The following NMT2 variants were observed in gnomAD, a reference collection of about 807,000 sequenced individuals.
The protein encoded by NMT2 is glycylpeptide N-tetradecanoyltransferase 2.
In NMT2, 35 loss-of-function variants were observed where a neutral mutation model predicts 65.4. The observed-to-expected ratio is 0.54, with a 90% CI of 0.41 to 0.71. NMT2 has a LOEUF of 0.71. Among genes scored for constraint, NMT2 ranks in the 30% least tolerant of loss-of-function variants. NMT2 has a pLI of 0.00. For synonymous variants in NMT2, 226 were observed against 231.8 expected (o/e 0.98, Z 0.23); for missense variants, 489 against 611.3 (o/e 0.80, Z 2.11).
chr10:15,151,605 A>T (rs1398210610), intron 1 of NMT2, among the ~76,000 whole-genome samples: 1 of 152,268 alleles, frequency 6.6e-6, no homozygotes, highest in Admixed American at 6.5e-5. Context: ...AGATCATTAT[A>T]TACAATTGAA....
At chr10:15,160,550 A>T (rs1833152287) in intron 1 of NMT2, among the ~76,000 whole-genome samples, 4 of 151,534 alleles carry the variant, frequency 2.6e-5, no homozygotes, top group Admixed American at 2.6e-4. Context: ...TGAGGTGGGG[A>T]GATTCCTTGA....
intron 1 of NMT2, among the ~76,000 whole-genome samples, chr10:15,160,959 G>A (rs1026698860): frequency 6.6e-6 from 1 of 151,510 alleles, no homozygotes; most frequent in African/African-American, 2.4e-5. Flanking sequence ...GCCAGGCACA[G>A]TGGCTCACAC....
intron 2 of NMT2, chr10:15,141,104 T>G: frequency 7.5e-7 from 1 of 1,333,340 alleles, no homozygotes; most frequent in Non-Finnish European, 1.0e-6. Context: ...AATCAAATAT[T>G]AAAGTGTAAT....
At chr10:15,141,209 T>C in intron 2 of NMT2, 1 of 776,354 alleles carries the variant, frequency 1.3e-6, no homozygotes, top group Non-Finnish European at 2.1e-6. Flanking sequence ...ACAGCAGGTA[T>C]CCACACACAC....
chr10:15,111,261 C>T (rs1030873447), intron 10 of NMT2, among the ~76,000 whole-genome samples: 17 of 151,484 alleles, frequency 1.1e-4, no homozygotes, highest in African/African-American at 2.9e-4. Context: ...CTGTAATCCC[C>T]GCACTTTGGG....
At chr10:15,141,318 C>A in intron 2 of NMT2, 104 bp downstream of exon 2, 1 of 1,416,326 alleles carries the variant, frequency 7.1e-7, no homozygotes, top group Non-Finnish European at 9.7e-7. Context: ...AACACACAGT[C>A]ACAACAAAGT....
At position 15,119,386 on chromosome 10, in the gene NMT2, C is replaced by T; in HGVS notation, c.1127G>A (p.Trp376Ter). Residue 376 changes from tryptophan to a stop codon, truncating the protein, a stop_gained, in exon 9 of 12, where the codon TGG becomes TAG. Transcript: ENST00000378165. LOFTEE classifies it high-confidence loss of function. ...PVMDEEEVAH[W>*]FLPREHIIDT... is the part of the protein sequence containing the mutation. The stretch of plus-strand genomic sequence containing the variant: ...AATAATGTGCTCCCGGGGGAGGAAC[C>T]AGTGGGCTACTTCCTCTTCATCCAT... The T allele has an allele frequency of 1.2e-6, 2 of 1,614,126 alleles. No individual in the cohort carries two copies. The highest frequency in any genetic ancestry group is 1.7e-6 in the Non-Finnish European group (2 of 1,180,014).
At chr10:15,128,322 C>A in intron 8 of NMT2, 28 bp downstream of exon 8, 2 of 1,327,478 alleles carry the variant, frequency 1.5e-6, no homozygotes, top group South Asian at 2.4e-5. Context: ...GTTACAGCTT[C>A]AAAAAACTGC....
At chr10:15,121,472 A>C (rs1845929644) in intron 8 of NMT2, among the ~76,000 whole-genome samples, 1 of 152,060 alleles carries the variant, frequency 6.6e-6, no homozygotes, top group Non-Finnish European at 1.5e-5. Context: ...GGTTCAATCG[A>C]TTCTCTTGCC....
Position 15,108,024 on chromosome 10 carries a change from C to A in NMT2, c.*1171G>T. The A allele has an allele frequency of 1.0e-6, 1 of 985,762 alleles. No individual in the cohort carries two copies. The highest frequency in any genetic ancestry group is 1.2e-6 in the Non-Finnish European group (1 of 829,904). 61.1% of individuals were successfully genotyped at this position (985,762 alleles called of 1,614,324 possible). Reference sequence around the variant, plus strand: ...ATTTTGCATAAGTAATAAAAACATTCAAACTATCAATGCCCTGATAGCACG... The same window carrying A: ...ATTTTGCATAAGTAATAAAAACATTAAAACTATCAATGCCCTGATAGCACG... On this transcript the variant is annotated 3_prime_UTR_variant, in exon 12 of 12. Coordinates refer to ENST00000378165, the MANE Select transcript of NMT2 (RefSeq NM_004808.3).
chr10:15,108,589 T>C lies in NMT2; in HGVS notation c.*606A>G, dbSNP rs1457190022. On this transcript the variant is annotated 3_prime_UTR_variant, in exon 12 of 12. Coordinates refer to ENST00000378165, the MANE Select transcript of NMT2 (RefSeq NM_004808.3). The stretch of plus-strand genomic sequence containing the variant: ...AAGTACAAACTTGCATGTTTATTGA[T>C]TCGGCAACTCTGCTTATGGAGAAAT... 9 of 985,972 alleles carry C rather than the reference T, an allele frequency of 9.1e-6. No individual in the cohort carries two copies. The highest frequency in any genetic ancestry group is 2.4e-6 in the Non-Finnish European group (2 of 830,460). 61.1% of individuals were successfully genotyped at this position (985,972 alleles called of 1,614,324 possible).
intron 9 of NMT2, among the ~76,000 whole-genome samples, chr10:15,116,653 TAAA>T (rs1367188827): frequency 3.3e-5 from 5 of 151,732 alleles, no homozygotes; most frequent in Non-Finnish European, 5.9e-5. Flanking sequence ...AACAAATCAA[TAAA>T]ATGATACAAG....
chr10:15,114,245 C>T (rs1845669219), intron 9 of NMT2, among the ~76,000 whole-genome samples: 1 of 152,180 alleles, frequency 6.6e-6, no homozygotes, highest in Non-Finnish European at 1.5e-5. Flanking sequence ...ACTGCAGGCA[C>T]CTGCAGAACC....
chr10:15,112,216 A>ATTTT (rs869310724), intron 10 of NMT2, among the ~76,000 whole-genome samples: 2 of 12,262 alleles, frequency 1.6e-4, no homozygotes, highest in Non-Finnish European at 1.4e-4. Context: ...ATATATATAT[A>ATTTT]TTTTTTTTTT....
chr10:15,126,511 T>C (rs1846079592), intron 8 of NMT2, among the ~76,000 whole-genome samples: 1 of 152,134 alleles, frequency 6.6e-6, no homozygotes, highest in Non-Finnish European at 1.5e-5. Context: ...ACTTCCATCT[T>C]GCCAGCAGAT....
chr10:15,147,744 C>A (rs1157320261), intron 1 of NMT2, among the ~76,000 whole-genome samples: 1 of 151,998 alleles, frequency 6.6e-6, no homozygotes, highest in Admixed American at 6.6e-5. Context: ...GTGCCTAGAA[C>A]AGTGTCTGGC....
chr10:15,158,438 C>G (rs17137050), intron 1 of NMT2, among the ~76,000 whole-genome samples: 15,652 of 152,106 alleles, frequency 0.1, 858 homozygotes, highest in Middle Eastern at 0.23. Context: ...AAAGTCCTCT[C>G]AATGAGAAGT....
intron 1 of NMT2, among the ~76,000 whole-genome samples, chr10:15,157,606 G>C (rs1833045564): frequency 1.3e-5 from 2 of 151,964 alleles, no homozygotes; most frequent in Admixed American, 1.3e-4. Context: ...ATTAAGCCAT[G>C]AAAGAAGCAA....
chr10:15,156,705 T>C (rs2131619341), intron 1 of NMT2, among the ~76,000 whole-genome samples: 1 of 152,236 alleles, frequency 6.6e-6, no homozygotes, highest in African/African-American at 2.4e-5. Flanking sequence ...GAGACCAGCC[T>C]GACCAACATG....
Sources: allele counts gnomAD v4.1 joint callset (sites outside exome capture counted in the v4.1 genomes callset), GRCh38; gene constraint gnomAD v4.1.1; transcripts MANE v1.5; gene names NCBI Gene and HGNC (gene_info 2026-07-23, HGNC 2026-07-21).